SPSB1: variants seen among roughly 807,000 people sequenced by gnomAD.
SPSB1 encodes splA/ryanodine receptor domain and SOCS box containing 1.
Under a neutral mutation model 21.2 loss-of-function variants are expected in SPSB1, and 8 were observed. That is an observed-to-expected ratio of 0.38 (90% CI 0.22 to 0.68). SPSB1 has a LOEUF of 0.68. Ranked by LOEUF, SPSB1 falls within the 30% of genes least tolerant of loss-of-function variation. SPSB1 has a pLI of 0.53. For synonymous variants in SPSB1, 169 were observed against 161.7 expected (o/e 1.05, Z -0.34); for missense variants, 242 against 377.8 (o/e 0.64, Z 2.98).
intron 1 of SPSB1, among the ~76,000 whole-genome samples, chr1:9,338,724 A>AG (rs371449237): frequency 1.5e-3 from 227 of 152,048 alleles, no homozygotes; most frequent in African/African-American, 4.7e-3. Flanking sequence ...TTGAGGTCTG[A>AG]GGGGGCGTCA....
chr1:9,321,772 G>T lies in SPSB1; in HGVS notation c.-150+28701G>T, dbSNP rs917260720. On this transcript the variant is annotated intron_variant, in intron 1 of 2. Transcript: ENST00000328089. This position sits in a 1 kb window ranked among gnomAD's most constrained non-coding sequence, Gnocchi z 4.8. ...TGACTCTGAGTCGGTGGAGGAGGAGGACTCTGAGAGGCTGGGAGACTGGCC... is the reference window on the plus strand; with the variant it reads ...TGACTCTGAGTCGGTGGAGGAGGAGTACTCTGAGAGGCTGGGAGACTGGCC... Among the ~76,000 whole-genome samples, 2 of 152,210 alleles carry T rather than the reference G, an allele frequency of 1.3e-5. No individual in the cohort carries two copies. The highest frequency in any genetic ancestry group is 1.3e-4 in the Admixed American group (2 of 15,280).
At chr1:9,338,947 C>A (rs548318957) in intron 1 of SPSB1, among the ~76,000 whole-genome samples, 1 of 152,216 alleles carries the variant, frequency 6.6e-6, no homozygotes, top group Non-Finnish European at 1.5e-5. Flanking sequence ...AAAACCCGGC[C>A]GATTACCTTG....
chr1:9,322,917 C>T (rs1267998778), intron 1 of SPSB1, among the ~76,000 whole-genome samples: 1 of 139,972 alleles, frequency 7.1e-6, no homozygotes, highest in Non-Finnish European at 1.6e-5. Context: ...TGTTGTCTGG[C>T]TGCGTCAGAC....
In SPSB1 at chr1:9,293,793, G is replaced by A. The variant is rs1024160365; in HGVS notation, c.-150+722G>A. The stretch of plus-strand genomic sequence containing the variant: ...GTGGCGTCCAGGTTCCGGTGAGGAC[G>A]GGACGGCCCCGAGAGGAGGGTGCGG... On this transcript the variant is annotated intron_variant, in intron 1 of 2. Coordinates refer to ENST00000328089, the MANE Select transcript of SPSB1 (RefSeq NM_025106.4). This position sits in a 1 kb window ranked among gnomAD's most constrained non-coding sequence, Gnocchi z 5.1. Among the ~76,000 whole-genome samples, 1 of 152,222 alleles carries A rather than the reference G, an allele frequency of 6.6e-6. No individual in the cohort carries two copies. Among genetic ancestry groups the A allele is most frequent in the Non-Finnish European group, 1.5e-5 (1 of 68,038 alleles).
rs1639403089 is a variant in SPSB1 at position 9,305,959 on chromosome 1, G to A, written c.-150+12888G>A. Among the ~76,000 whole-genome samples the A allele has an allele frequency of 6.6e-6, 1 of 152,166 alleles. No individual in the cohort carries two copies. The highest frequency in any genetic ancestry group is 1.5e-5 in the Non-Finnish European group (1 of 68,030). ...AAAATGAGTGCAGAGAGGCAGGAGGGCCCACAGACCTGGGGACATTTGTGC... is the reference window on the plus strand; with the variant it reads ...AAAATGAGTGCAGAGAGGCAGGAGGACCCACAGACCTGGGGACATTTGTGC... On this transcript the variant is annotated intron_variant, in intron 1 of 2. Coordinates refer to ENST00000328089, the MANE Select transcript of SPSB1 (RefSeq NM_025106.4). This position sits in a 1 kb window ranked among gnomAD's most constrained non-coding sequence, Gnocchi z 4.8.
chr1:9,356,653 G>T lies in SPSB1; in HGVS notation c.694+68G>T. The T allele has an allele frequency of 6.6e-7, 1 of 1,518,166 alleles. No individual in the cohort carries two copies. The highest frequency in any genetic ancestry group is 1.4e-5 in the African/African-American group (1 of 72,240). 94.0% of individuals were successfully genotyped at this position (1,518,166 alleles called of 1,614,324 possible). A position where few individuals can be genotyped will look rare whatever the true frequency, so the allele number is the denominator to read the frequency against. ...TCCCCATGGTCCTGGCTGGGCTCAGGCCAAAAGTTGATTCATTGGAACTAG... is the reference window on the plus strand; with the variant it reads ...TCCCCATGGTCCTGGCTGGGCTCAGTCCAAAAGTTGATTCATTGGAACTAG... On this transcript the variant is annotated intron_variant, in intron 2 of 2. Coordinates refer to ENST00000328089, the MANE Select transcript of SPSB1 (RefSeq NM_025106.4). This position sits in a 1 kb window ranked among gnomAD's most constrained non-coding sequence, Gnocchi z 7.4.
At chr1:9,336,933 C>T (rs1287237318) in intron 1 of SPSB1, among the ~76,000 whole-genome samples, 1 of 152,170 alleles carries the variant, frequency 6.6e-6, no homozygotes, top group African/African-American at 2.4e-5. Context: ...CCTTCTGGTG[C>T]CTGCTGGTCC....
intron 1 of SPSB1, among the ~76,000 whole-genome samples, chr1:9,341,782 A>C (rs905279254): frequency 6.6e-6 from 1 of 151,724 alleles, no homozygotes; most frequent in Non-Finnish European, 1.5e-5. Flanking sequence ...GTCTCACCGC[A>C]ATCTCCACCT....
intron 1 of SPSB1, among the ~76,000 whole-genome samples, chr1:9,309,132 A>G (rs1017255427): frequency 1.3e-5 from 2 of 151,906 alleles, no homozygotes; most frequent in East Asian, 3.9e-4. Context: ...GGAGGGCATC[A>G]AATGCCAGGC....
chr1:9,337,630 T>A (rs1228534296), intron 1 of SPSB1, among the ~76,000 whole-genome samples: 1 of 152,146 alleles, frequency 6.6e-6, no homozygotes, highest in Non-Finnish European at 1.5e-5. Flanking sequence ...GGGTCCCCAG[T>A]TAGGTGCCTC....
intron 1 of SPSB1, among the ~76,000 whole-genome samples, chr1:9,333,181 C>CCCA: frequency 6.6e-6 from 1 of 152,320 alleles, no homozygotes; most frequent in South Asian, 2.1e-4. Flanking sequence ...AGTGTCTGCT[C>CCCA]CCAGAGGGAC....
At chr1:9,327,242 T>A (rs1312284351) in intron 1 of SPSB1, among the ~76,000 whole-genome samples, 1 of 152,244 alleles carries the variant, frequency 6.6e-6, no homozygotes, top group African/African-American at 2.4e-5. Flanking sequence ...GCTATTTTTA[T>A]CTCATCCAGT....
At chr1:9,328,174 G>T (rs1639849784) in intron 1 of SPSB1, among the ~76,000 whole-genome samples, 1 of 152,234 alleles carries the variant, frequency 6.6e-6, no homozygotes, top group Non-Finnish European at 1.5e-5. Context: ...GAACGTGGCT[G>T]TGTGGAGGAT....
chr1:9,306,629 G>C (rs950058871), intron 1 of SPSB1, among the ~76,000 whole-genome samples: 1 of 152,208 alleles, frequency 6.6e-6, no homozygotes, highest in Non-Finnish European at 1.5e-5. Context: ...AGAGCTGGGA[G>C]CTGAGCCCCA....
intron 1 of SPSB1, among the ~76,000 whole-genome samples, chr1:9,351,235 G>A (rs1442823081): frequency 6.6e-6 from 1 of 152,242 alleles, no homozygotes; most frequent in Non-Finnish European, 1.5e-5. Flanking sequence ...GAAGTTTGCT[G>A]ACCCCTGGTT....
intron 1 of SPSB1, among the ~76,000 whole-genome samples, chr1:9,334,276 G>A (rs1639969774): frequency 6.6e-6 from 1 of 151,976 alleles, no homozygotes; most frequent in African/African-American, 2.4e-5. Flanking sequence ...AGTAGAGACG[G>A]GATTTCACCA....
In SPSB1 at chr1:9,305,683, C is replaced by G. The variant is rs1639399922; in HGVS notation, c.-150+12612C>G. On this transcript the variant is annotated intron_variant, in intron 1 of 2. Transcript: ENST00000328089. The surrounding 1 kb of genome is among the most constrained non-coding windows in gnomAD (Gnocchi z 4.8). ...CATGCCCCGTGGGAGGTCAGGAACT[C>G]CGAACAAGCCTCTGTTCTCAGGAGC... 6.6e-6 allele frequency among the ~76,000 whole-genome samples: 1 copy of G among 152,216 alleles called. No homozygotes were observed. Among genetic ancestry groups the G allele is most frequent in the Admixed American group, 6.5e-5 (1 of 15,284 alleles).
intron 1 of SPSB1, among the ~76,000 whole-genome samples, chr1:9,307,061 G>T (rs916006179): frequency 6.6e-6 from 1 of 151,916 alleles, no homozygotes; most frequent in Non-Finnish European, 1.5e-5. Flanking sequence ...CTGGGTAGCT[G>T]GGATTACAGG....
rs890064807 is a variant in SPSB1 at position 9,324,494 on chromosome 1, G to A, written c.-149-31249G>A. On this transcript the variant is annotated intron_variant, in intron 1 of 2. Coordinates refer to ENST00000328089, the MANE Select transcript of SPSB1 (RefSeq NM_025106.4). This position sits in a 1 kb window ranked among gnomAD's most constrained non-coding sequence, Gnocchi z 4.3. ...CTCTGTGCCCAGCCTCTGGAGGGTC[G>A]GCTCGGAGGGCTGTGGGCCCGGGAC... Among the ~76,000 whole-genome samples the A allele has an allele frequency of 1.2e-4, 13 of 112,802 alleles. No homozygotes were observed. The highest frequency in any genetic ancestry group is 3.0e-4 in the African/African-American group (11 of 36,896). The allele number at this position is 112,802 out of a possible 152,430, so 74.0% of individuals were successfully genotyped here.
Sources: allele counts gnomAD v4.1 joint callset (sites outside exome capture counted in the v4.1 genomes callset), GRCh38; gene constraint gnomAD v4.1.1; non-coding constraint Gnocchi (gnomAD v3.1); transcripts MANE v1.5; gene names NCBI Gene and HGNC (gene_info 2026-07-23, HGNC 2026-07-21).